Variants in ERBB4 observed in about 807,000 individuals in gnomAD.
ERBB4 encodes the protein erb-b2 receptor tyrosine kinase 4.
Under a neutral mutation model 158.0 loss-of-function variants are expected in ERBB4, and 42 were observed. The ratio of observed to expected loss-of-function variants is 0.27; its 90% confidence interval spans 0.21 to 0.34. The LOEUF (loss-of-function observed/expected upper bound fraction) is 0.34. Among genes scored for constraint, ERBB4 ranks in the 10% least tolerant of loss-of-function variants. The pLI, the probability that ERBB4 is intolerant of heterozygous loss-of-function variation, is 1.00. For synonymous variants in ERBB4, 583 were observed against 558.7 expected (o/e 1.04, Z -0.61); for missense variants, 1,333 against 1,624.1 (o/e 0.82, Z 3.08).
At chr2:212,536,281 T>C (rs1425683853) in intron 1 of ERBB4, among the ~76,000 whole-genome samples, 2 of 151,030 alleles carry the variant, frequency 1.3e-5, no homozygotes, top group Non-Finnish European at 2.9e-5. Context: ...TAAAACCAGC[T>C]GAACTTTCCC....
At chr2:211,678,057 G>A (rs1376261280) in intron 13 of ERBB4, among the ~76,000 whole-genome samples, 1 of 152,000 alleles carries the variant, frequency 6.6e-6, no homozygotes, top group Non-Finnish European at 1.5e-5. Context: ...GAAATATTAT[G>A]CAACCAGGTA....
intron 20 of ERBB4, among the ~76,000 whole-genome samples, chr2:211,461,456 G>C (rs1036595229): frequency 6.6e-6 from 1 of 152,150 alleles, no homozygotes; most frequent in African/African-American, 2.4e-5. Flanking sequence ...GGATGTCAGA[G>C]GATCTGTGGT....
intron 1 of ERBB4, among the ~76,000 whole-genome samples, chr2:212,515,285 G>A (rs1262654161): frequency 6.6e-6 from 1 of 152,138 alleles, no homozygotes; most frequent in African/African-American, 2.4e-5. Context: ...TCGTACATGA[G>A]AGCAGGTTGG....
At chr2:212,354,822 G>T (rs1273155215) in intron 1 of ERBB4, among the ~76,000 whole-genome samples, 1 of 151,990 alleles carries the variant, frequency 6.6e-6, no homozygotes, top group East Asian at 1.9e-4. Context: ...ACCAACTTAA[G>T]TTGGGTTTGG....
At chr2:212,408,873 C>A (rs910347999) in intron 1 of ERBB4, among the ~76,000 whole-genome samples, 4 of 152,092 alleles carry the variant, frequency 2.6e-5, no homozygotes, top group African/African-American at 9.7e-5. Flanking sequence ...CATTTAAAAG[C>A]AATCCTGACA....
intron 1 of ERBB4, among the ~76,000 whole-genome samples, chr2:212,347,248 T>C (rs1216757857): frequency 6.6e-6 from 1 of 152,184 alleles, no homozygotes; most frequent in African/African-American, 2.4e-5. Context: ...TACCAAATCT[T>C]CAACGTATAA....
intron 3 of ERBB4, among the ~76,000 whole-genome samples, chr2:211,885,220 A>G (rs565156917): frequency 1.2e-4 from 19 of 152,278 alleles, no homozygotes; most frequent in Admixed American, 3.3e-4. Context: ...TTGTTATGAC[A>G]AGTGTATAAA....
intron 4 of ERBB4, among the ~76,000 whole-genome samples, chr2:211,761,638 G>C (rs1235786442): frequency 6.6e-6 from 1 of 152,042 alleles, no homozygotes; most frequent in African/African-American, 2.4e-5. Context: ...AAGTTCAGCA[G>C]TAAATGGGTC....
chr2:212,033,544 T>C (rs1419709974), intron 2 of ERBB4, among the ~76,000 whole-genome samples: 2 of 151,876 alleles, frequency 1.3e-5, no homozygotes, highest in South Asian at 2.1e-4. Flanking sequence ...GTAACCTTCA[T>C]AATATGGTTC....
chr2:212,045,388 A>G (rs559304692), intron 2 of ERBB4, among the ~76,000 whole-genome samples: 56 of 152,258 alleles, frequency 3.7e-4, no homozygotes, highest in African/African-American at 1.3e-3. Flanking sequence ...AACCTGGGAG[A>G]CAGAGGTTGC....
chr2:212,206,729 G>A (rs1409048831), intron 1 of ERBB4, among the ~76,000 whole-genome samples: 1 of 151,654 alleles, frequency 6.6e-6, no homozygotes, highest in African/African-American at 2.4e-5. Flanking sequence ...TGGGACTACA[G>A]GGGCCCGCCA....
chr2:211,913,484 C>T (rs748125722), intron 3 of ERBB4, among the ~76,000 whole-genome samples: 1 of 151,904 alleles, frequency 6.6e-6, no homozygotes, highest in Non-Finnish European at 1.5e-5. Flanking sequence ...GCCTGTCATC[C>T]CAGCTACATA....
At chr2:212,149,697 TTC>T (rs2125625346) in intron 1 of ERBB4, among the ~76,000 whole-genome samples, 1 of 152,300 alleles carries the variant, frequency 6.6e-6, no homozygotes, top group South Asian at 2.1e-4. Flanking sequence ...AATAATGTCT[TTC>T]TTTTTTCATC....
At position 212,268,366 on chromosome 2, in the gene ERBB4, A is replaced by G. The variant is rs544050666; in HGVS notation, c.83-143463T>C. On this transcript the variant is annotated intron_variant, in intron 1 of 27. Transcript: ENST00000342788. ...GATCTTAGTGGGAACAAAATCATAT[A>G]AAGTTCCTTGCAGCTCTTTGAAACA... Among the ~76,000 whole-genome samples the G allele has an allele frequency of 4.6e-5, 7 of 152,068 alleles. No individual in the cohort carries two copies. The East Asian group carries it at 1.2e-3, about 25-fold the overall frequency.
At chr2:212,183,426 A>G (rs2081931021) in intron 1 of ERBB4, among the ~76,000 whole-genome samples, 1 of 152,026 alleles carries the variant, frequency 6.6e-6, no homozygotes, top group Non-Finnish European at 1.5e-5. Flanking sequence ...TTTTCAAACA[A>G]TAGCAATGTT....
chr2:212,090,821 C>A (rs1172277931), intron 2 of ERBB4, among the ~76,000 whole-genome samples: 1 of 152,134 alleles, frequency 6.6e-6, no homozygotes, highest in Non-Finnish European at 1.5e-5. Flanking sequence ...AATACTAATT[C>A]TTGGGTTTTT....
At chr2:212,269,905 G>A (rs2085282219) in intron 1 of ERBB4, among the ~76,000 whole-genome samples, 1 of 151,744 alleles carries the variant, frequency 6.6e-6, no homozygotes, top group African/African-American at 2.4e-5. Context: ...GTGCCTCTAA[G>A]TATCACGTCA....
intron 3 of ERBB4, among the ~76,000 whole-genome samples, chr2:211,861,339 GTTTTTTTTTTGT>G (rs2078045409): frequency 1.1e-5 from 1 of 89,834 alleles, no homozygotes; most frequent in African/African-American, 4.4e-5. Flanking sequence ...TTTTTTTTTT[GTTTTTTTTTTGT>G]TTTTTTTTTT....
chr2:212,213,716 C>T (rs2083006898), intron 1 of ERBB4, among the ~76,000 whole-genome samples: 1 of 151,860 alleles, frequency 6.6e-6, no homozygotes, highest in Admixed American at 6.6e-5. Context: ...AAAGGCTCTT[C>T]AAAAGCAGGG....
Sources: gnomAD v4.1 joint callset for allele counts (sites outside exome capture counted in the v4.1 genomes callset) on GRCh38, gnomAD v4.1.1 for gene constraint, MANE v1.5 for transcripts, NCBI Gene and HGNC (gene_info 2026-07-23, HGNC 2026-07-21) for gene names.